GRID2: variants seen among roughly 807,000 people sequenced by gnomAD.
GRID2 encodes the protein glutamate receptor ionotropic, delta-2.
In GRID2, 33 loss-of-function variants were observed where a neutral mutation model predicts 114.8. The ratio of observed to expected loss-of-function variants is 0.29; its 90% CI spans 0.22 to 0.38. GRID2 has a LOEUF of 0.38. GRID2 is among the 10% of genes least tolerant of loss of function. The pLI is 1.00. For missense variants in GRID2, 1,184 were observed against 1,257.7 expected, an observed-to-expected ratio of 0.94 and a Z score of 0.89; for synonymous variants, 505 against 449.9, an observed-to-expected ratio of 1.12 and a Z score of -1.55.
At chr4:92,724,311 G>T (rs887422439) in intron 2 of GRID2, among the ~76,000 whole-genome samples, 1 of 151,974 alleles carries the variant, frequency 6.6e-6, no homozygotes, top group Non-Finnish European at 1.5e-5. Context: ...ATCCTTCAGC[G>T]TCCACTCCCC....
intron 2 of GRID2, among the ~76,000 whole-genome samples, chr4:92,768,210 G>A (rs918946648): frequency 2.0e-5 from 3 of 152,060 alleles, no homozygotes; most frequent in African/African-American, 7.2e-5. Context: ...GCAGATTTAT[G>A]TTTTTCTATT....
At chr4:92,628,675 C>T (rs1323855141) in intron 2 of GRID2, among the ~76,000 whole-genome samples, 2 of 152,014 alleles carry the variant, frequency 1.3e-5, no homozygotes, top group Non-Finnish European at 2.9e-5. Flanking sequence ...TCTGTTTACA[C>T]ACTTTCAGCA....
intron 2 of GRID2, among the ~76,000 whole-genome samples, chr4:92,989,044 G>A (rs966882617): frequency 4.6e-5 from 7 of 152,006 alleles, no homozygotes; most frequent in Middle Eastern, 3.2e-3. Flanking sequence ...ATGGGAAGCC[G>A]AAGCGGGCAG....
intron 2 of GRID2, among the ~76,000 whole-genome samples, chr4:92,797,514 T>C (rs1560598033): frequency 6.6e-6 from 1 of 152,032 alleles, no homozygotes; most frequent in East Asian, 1.9e-4. Flanking sequence ...TGTATGCACA[T>C]GTTTTGCATA....
At chr4:92,840,446 A>G (rs1215383250) in intron 2 of GRID2, among the ~76,000 whole-genome samples, 2 of 151,574 alleles carry the variant, frequency 1.3e-5, no homozygotes, top group African/African-American at 2.4e-5. Flanking sequence ...GTGATTTTCT[A>G]TGGTGATATG....
chr4:93,469,731 C>T (rs184083499), intron 11 of GRID2, among the ~76,000 whole-genome samples: 9 of 152,132 alleles, frequency 5.9e-5, no homozygotes, highest in African/African-American at 2.2e-4. Context: ...CAGCATTATC[C>T]TCCAGAAAAC....
intron 13 of GRID2, among the ~76,000 whole-genome samples, chr4:93,565,089 A>C (rs1325822317): frequency 6.6e-6 from 1 of 152,096 alleles, no homozygotes; most frequent in Non-Finnish European, 1.5e-5. Context: ...TAATTATAGA[A>C]CTTTATATAA....
intron 1 of GRID2, among the ~76,000 whole-genome samples, chr4:92,381,634 T>C (rs1729623350): frequency 6.6e-6 from 1 of 152,036 alleles, no homozygotes. Context: ...AATGTAAAAG[T>C]TTCTCTTTTC....
intron 2 of GRID2, among the ~76,000 whole-genome samples, chr4:92,815,323 T>C (rs1488746308): frequency 1.3e-5 from 2 of 152,250 alleles, no homozygotes; most frequent in East Asian, 3.9e-4. Context: ...TATGGGTGTA[T>C]ATAAAGTCAA....
At chr4:93,006,546 G>A (rs958464606) in intron 2 of GRID2, among the ~76,000 whole-genome samples, 2 of 151,442 alleles carry the variant, frequency 1.3e-5, no homozygotes, top group African/African-American at 2.4e-5. Context: ...TGGCTCTGTG[G>A]CTAAAGGAAA....
intron 14 of GRID2, among the ~76,000 whole-genome samples, chr4:93,692,410 G>A (rs1726650392): frequency 6.6e-6 from 1 of 152,074 alleles, no homozygotes; most frequent in South Asian, 2.1e-4. Context: ...GGTATTATGA[G>A]GATTAAATGA....
At chr4:92,800,140 T>TAATA (rs113515057) in intron 2 of GRID2, among the ~76,000 whole-genome samples, 3,799 of 151,962 alleles carry the variant, frequency 0.025, 100 homozygotes, top group East Asian at 0.12. Context: ...TAAAGAAAAA[T>TAATA]AATCAGCAAT....
chr4:93,762,255 T>C (rs1185219339), intron 14 of GRID2, among the ~76,000 whole-genome samples: 1 of 152,202 alleles, frequency 6.6e-6, no homozygotes, highest in East Asian at 1.9e-4. Context: ...TTCTCAGTGA[T>C]AACTGACATT....
chr4:93,683,591 A>C (rs1305096416), intron 14 of GRID2, among the ~76,000 whole-genome samples: 1 of 152,114 alleles, frequency 6.6e-6, no homozygotes, highest in Non-Finnish European at 1.5e-5. Flanking sequence ...TTAGCTAAAC[A>C]ATTGACAGCA....
At chr4:93,356,932 A>G (rs995198672) in intron 8 of GRID2, among the ~76,000 whole-genome samples, 3 of 151,914 alleles carry the variant, frequency 2.0e-5, no homozygotes, top group Non-Finnish European at 4.4e-5. Flanking sequence ...TTATTTCTTT[A>G]TAAGGACAAA....
intron 1 of GRID2, among the ~76,000 whole-genome samples, chr4:92,322,533 A>T (rs1435717983): frequency 1.3e-5 from 2 of 152,124 alleles, no homozygotes; most frequent in Non-Finnish European, 2.9e-5. Flanking sequence ...CATGTAACCT[A>T]TACATATGTA....
chr4:93,727,765 T>C (rs558783346), intron 14 of GRID2, among the ~76,000 whole-genome samples: 1 of 152,362 alleles, frequency 6.6e-6, no homozygotes, highest in East Asian at 1.9e-4. Context: ...TTTTCTAGTT[T>C]ATTCACATAG....
At chr4:93,029,296 A>G (rs1014910008) in intron 2 of GRID2, among the ~76,000 whole-genome samples, 6 of 152,088 alleles carry the variant, frequency 3.9e-5, no homozygotes, top group Non-Finnish European at 7.4e-5. Flanking sequence ...CCTTTCATCT[A>G]TGAATTATAA....
At chr4:92,976,358 C>T (rs1018317723) in intron 2 of GRID2, among the ~76,000 whole-genome samples, 1 of 152,046 alleles carries the variant, frequency 6.6e-6, no homozygotes, top group African/African-American at 2.4e-5. Context: ...TCATGCATGT[C>T]TGTTGTACCT....
Sources: allele counts gnomAD v4.1 joint callset (sites outside exome capture counted in the v4.1 genomes callset), GRCh38; gene constraint gnomAD v4.1.1; transcripts MANE v1.5; gene names NCBI Gene and HGNC (gene_info 2026-07-23, HGNC 2026-07-21).